The following TRPC6 variants were observed in gnomAD, a reference collection of about 807,000 sequenced individuals.
TRPC6 encodes the protein short transient receptor potential channel 6.
In TRPC6, 55 loss-of-function variants were observed where a neutral mutation model predicts 90.7. The ratio of observed to expected loss-of-function variants is 0.61; its 90% confidence interval spans 0.49 to 0.76. The LOEUF (loss-of-function observed/expected upper bound fraction) is 0.76, where lower values mean the gene tolerates loss of function less well. Among genes scored for constraint, TRPC6 ranks in the 30% least tolerant of loss-of-function variants. The probability of loss-of-function intolerance (pLI) is 0.00; values close to 1 mark genes in which losing one functional copy is unlikely to be tolerated. For synonymous variants in TRPC6, 393 were observed against 393.0 expected (o/e 1.00, Z 0.00); for missense variants, 989 against 1,122.7 (o/e 0.88, Z 1.70).
chr11:101,481,782 T>C lies in TRPC6; in HGVS notation c.1510+1167A>G, dbSNP rs74674181. ...AAGCCACCGTCTATCTCACAACCAC[T>C]GTGACCTTTCTAAAACATGATCAGA... On this transcript the variant is annotated intron_variant, in intron 5 of 12. Transcript: ENST00000344327. Among the ~76,000 whole-genome samples, 1,394 of 152,316 alleles carry C rather than the reference T, an allele frequency of 9.2e-3. 11 individuals carry two copies. Among genetic ancestry groups the C allele is most frequent in the African/African-American group, 0.032 (1,326 of 41,554 alleles).
chr11:101,457,274 T>C (rs1858906053), intron 10 of TRPC6, among the ~76,000 whole-genome samples: 1 of 152,184 alleles, frequency 6.6e-6, no homozygotes, highest in Non-Finnish European at 1.5e-5. Flanking sequence ...AATGAACCAC[T>C]GCCTGCCCCC....
chr11:101,583,320 TCGC>T lies in TRPC6; in HGVS notation c.170+11_170+13del, dbSNP rs1862243350. 4 of 1,570,328 alleles carry T rather than the reference TCGC, an allele frequency of 2.5e-6. No individual in the cohort carries two copies. The East Asian group carries it at 9.5e-5, about 37-fold the overall frequency. Reference sequence around the variant, plus strand: ...CAGCCCGCGCCCGATCCGCCCCGCGTCGCCGGCACTCACAAGCAGGGGTAGTAG... The same window carrying T: ...CAGCCCGCGCCCGATCCGCCCCGCGTCGGCACTCACAAGCAGGGGTAGTAG... On this transcript the variant is annotated intron_variant, in intron 1 of 12. Transcript: ENST00000344327.
intron 2 of TRPC6, among the ~76,000 whole-genome samples, chr11:101,499,685 A>T (rs1367981129): frequency 7.4e-6 from 1 of 135,610 alleles, no homozygotes; most frequent in Non-Finnish European, 1.6e-5. Context: ...ATATATACAC[A>T]ATATAAAATG....
chr11:101,548,461 T>C (rs1861371701), intron 1 of TRPC6, among the ~76,000 whole-genome samples: 1 of 58,082 alleles, frequency 1.7e-5, no homozygotes, highest in Non-Finnish European at 3.1e-5. Context: ...TATACTGATA[T>C]ATATATATAT....
At chr11:101,494,062 C>T (rs369230547) in intron 2 of TRPC6, among the ~76,000 whole-genome samples, 1 of 152,262 alleles carries the variant, frequency 6.6e-6, no homozygotes, top group Non-Finnish European at 1.5e-5. Context: ...TATAAACAGA[C>T]GTCTGGGCAG....
chr11:101,490,950 C>T (rs933464869), intron 3 of TRPC6, among the ~76,000 whole-genome samples: 15 of 152,176 alleles, frequency 9.9e-5, no homozygotes, highest in Non-Finnish European at 2.1e-4. Flanking sequence ...TGGTGATGTT[C>T]CTGTCTTATA....
intron 1 of TRPC6, among the ~76,000 whole-genome samples, chr11:101,557,612 C>T (rs1404341492): frequency 1.5e-5 from 2 of 131,214 alleles, no homozygotes; most frequent in Non-Finnish European, 3.3e-5. Flanking sequence ...GAAAACTCTA[C>T]TAATTCCACA....
At chr11:101,533,507 C>A (rs948218641) in intron 1 of TRPC6, among the ~76,000 whole-genome samples, 2 of 152,150 alleles carry the variant, frequency 1.3e-5, no homozygotes, top group African/African-American at 4.8e-5. Context: ...CCAGGCCCCA[C>A]CTCTAGAATT....
At chr11:101,459,113 T>A (rs1225743461) in intron 10 of TRPC6, among the ~76,000 whole-genome samples, 1 of 152,222 alleles carries the variant, frequency 6.6e-6, no homozygotes, top group Admixed American at 6.5e-5. Flanking sequence ...GTCTCAAGTT[T>A]TGTTCACCAC....
At chr11:101,486,832 T>C (rs1859688489) in intron 4 of TRPC6, among the ~76,000 whole-genome samples, 1 of 152,054 alleles carries the variant, frequency 6.6e-6, no homozygotes, top group South Asian at 2.1e-4. Context: ...CCACAAAAAA[T>C]CCTGTGGCCT....
chr11:101,457,608 G>T (rs1178750514), intron 10 of TRPC6, among the ~76,000 whole-genome samples: 1 of 152,186 alleles, frequency 6.6e-6, no homozygotes, highest in African/African-American at 2.4e-5. Flanking sequence ...GATATGAAAT[G>T]AAGCTGTGTT....
chr11:101,554,629 G>A (rs780659157), intron 1 of TRPC6, among the ~76,000 whole-genome samples: 4 of 152,124 alleles, frequency 2.6e-5, no homozygotes. Flanking sequence ...GCAATGGGAA[G>A]AATCAAGTTA....
chr11:101,555,246 C>T (rs536295598), intron 1 of TRPC6, among the ~76,000 whole-genome samples: 5 of 152,302 alleles, frequency 3.3e-5, no homozygotes, highest in South Asian at 2.1e-4. Flanking sequence ...TTGGTGTCAA[C>T]GGGTCATGGA....
chr11:101,473,549 A>C lies in TRPC6; in HGVS notation c.1969T>G (p.Ser657Ala), dbSNP rs1859342378. 6.2e-7 allele frequency: 1 copy of C among 1,613,582 alleles called. No homozygotes were observed. The highest frequency in any genetic ancestry group is 8.5e-7 in the Non-Finnish European group (1 of 1,179,670). ...AFMIGMFNLY[S>A]YYIGAKQNEA... ...TTTTGTTTTGCACCAATGTAGTAGG[A>C]GTAGAGATTGAACATTCCAATCATA... The change falls in exon 7 of 13, where the codon TCC (serine) becomes GCC (alanine). Residue 657 changes from serine to alanine, a missense_variant. Coordinates refer to ENST00000344327, the MANE Select transcript of TRPC6 (RefSeq NM_004621.6).
chr11:101,465,420 ACACT>A (rs1859120018), intron 10 of TRPC6, among the ~76,000 whole-genome samples: 1 of 152,198 alleles, frequency 6.6e-6, no homozygotes, highest in Admixed American at 6.5e-5. Context: ...ACCTTCTGGT[ACACT>A]AATCTAATGT....
At chr11:101,495,622 ATTAT>A (rs1859925440) in intron 2 of TRPC6, among the ~76,000 whole-genome samples, 1 of 146,842 alleles carries the variant, frequency 6.8e-6, no homozygotes, top group South Asian at 2.1e-4. Flanking sequence ...TATTATTATT[ATTAT>A]TATTATTATC....
At chr11:101,505,607 T>G (rs531069326) in intron 1 of TRPC6, among the ~76,000 whole-genome samples, 1 of 152,256 alleles carries the variant, frequency 6.6e-6, no homozygotes, top group Admixed American at 6.5e-5. Flanking sequence ...TAAAAATCAC[T>G]GCAGACTGGA....
chr11:101,472,205 CATT>C lies in TRPC6; in HGVS notation c.2134_2136del (p.Asn712del). The stretch of plus-strand genomic sequence containing the variant: ...TTTAGCAAAACAATGACCATCGTAA[CATT>C]ATAGACTCCATAAAGAACGTAACCA... On this transcript the variant is annotated inframe_deletion, in exon 8 of 13. Transcript: ENST00000344327. The C allele has an allele frequency of 1.2e-6, 2 of 1,613,002 alleles. No homozygotes were observed. Among genetic ancestry groups the C allele is most frequent in the Non-Finnish European group, 1.7e-6 (2 of 1,179,470 alleles).
intron 1 of TRPC6, among the ~76,000 whole-genome samples, chr11:101,557,791 T>C (rs1016437534): frequency 2.0e-5 from 3 of 152,238 alleles, no homozygotes; most frequent in Admixed American, 1.3e-4. Context: ...GTAAATTATT[T>C]AGGAGTAAAT....
Sources: gnomAD v4.1 joint callset for allele counts (sites outside exome capture counted in the v4.1 genomes callset) on GRCh38, gnomAD v4.1.1 for gene constraint, MANE v1.5 for transcripts, NCBI Gene and HGNC (gene_info 2026-07-23, HGNC 2026-07-21) for gene names.